Variants in APLP2 observed in about 807,000 individuals in gnomAD.
APLP2 encodes amyloid beta precursor like protein 2.
Under a neutral mutation model 89.9 loss-of-function variants are expected in APLP2, and 53 were observed. The observed-to-expected ratio is 0.59, with a 90% CI of 0.47 to 0.74. APLP2 has a LOEUF of 0.74. Among genes scored for constraint, APLP2 ranks in the 30% least tolerant of loss-of-function variants. The pLI, the probability that APLP2 is intolerant of heterozygous loss-of-function variation, is 0.00. For missense variants in APLP2, 973 were observed against 975.9 expected (o/e 1.00, Z 0.04); for synonymous variants, 372 against 348.6 (o/e 1.07, Z -0.75).
Position 130,141,252 on chromosome 11 carries a change from G to A in APLP2, c.1924-246G>A, listed in dbSNP as rs1952349281. The A allele has an allele frequency of 8.0e-6, 4 of 501,302 alleles. No individual in the cohort carries two copies. The highest frequency in any genetic ancestry group is 2.5e-5 in the South Asian group (1 of 39,588). The allele number at this position is 501,302 out of a possible 1,614,324, so 31.1% of individuals were successfully genotyped here. ...CTGTTCTGAGATACGTCTCCACAACGGTTACTTGAAGGAAAATGCATACGG... is the reference window on the plus strand; with the variant it reads ...CTGTTCTGAGATACGTCTCCACAACAGTTACTTGAAGGAAAATGCATACGG... On this transcript the variant is annotated intron_variant, in intron 14 of 16. Transcript: ENST00000338167. The surrounding 1 kb of genome is among the most constrained non-coding windows in gnomAD (Gnocchi z 4.2).
Position 130,076,099 on chromosome 11 carries a change from G to A in APLP2, c.105+6017G>A, listed in dbSNP as rs191893233. ...CTTTCTGTTTGTTTGTTTTGAGACCGAGTCTCACTCTGTCATCCAGGCTGG... is the reference window on the plus strand; with the variant it reads ...CTTTCTGTTTGTTTGTTTTGAGACCAAGTCTCACTCTGTCATCCAGGCTGG... On this transcript the variant is annotated intron_variant, in intron 1 of 16. Coordinates refer to ENST00000338167, the MANE Select transcript of APLP2 (RefSeq NM_001142276.2). Among the ~76,000 whole-genome samples, 34 of 152,084 alleles carry A rather than the reference G, an allele frequency of 2.2e-4. No individual in the cohort carries two copies. The East Asian group carries it at 5.6e-3, about 25-fold the overall frequency.
intron 12 of APLP2, 51 bp from the exon 13 acceptor site, chr11:130,135,512 C>A: frequency 1.3e-6 from 2 of 1,594,474 alleles, no homozygotes; most frequent in South Asian, 1.1e-5. Flanking sequence ...TGTGCCTGGA[C>A]ACCAGGCCCT....
At chr11:130,080,976 A>G (rs1469941190) in intron 1 of APLP2, among the ~76,000 whole-genome samples, 1 of 151,836 alleles carries the variant, frequency 6.6e-6, no homozygotes, top group Non-Finnish European at 1.5e-5. Flanking sequence ...GGCGTGAGCC[A>G]CCACGTCCGG....
chr11:130,131,959 A>G (rs1410430987), intron 11 of APLP2, among the ~76,000 whole-genome samples: 1 of 152,146 alleles, frequency 6.6e-6, no homozygotes, highest in African/African-American at 2.4e-5. Context: ...TGTTATCTAA[A>G]CACCAGAAAA....
chr11:130,137,129 A>G lies in APLP2; in HGVS notation c.1837+1414A>G, dbSNP rs1951718398. ...GGATATTTCAGGCAGGGTGTTTTTA[A>G]GGAGGAATACTTTTTGTTCACATTA... On this transcript the variant is annotated intron_variant, in intron 13 of 16. Transcript: ENST00000338167. 2.8e-5 allele frequency: 23 copies of G among 832,060 alleles called. 1 individual carries two copies. The South Asian group carries it at 3.2e-4, about 11-fold the overall frequency. The allele number at this position is 832,060 out of a possible 1,614,324, so 51.5% of individuals were successfully genotyped here. A position where few individuals can be genotyped will look rare whatever the true frequency, so the allele number is the denominator to read the frequency against.
chr11:130,119,322 G>A (rs377737295), intron 3 of APLP2, among the ~76,000 whole-genome samples: 1 of 152,164 alleles, frequency 6.6e-6, no homozygotes, highest in Admixed American at 6.5e-5. Flanking sequence ...GCAGACGTAT[G>A]CCCAGTGTAG....
intron 1 of APLP2, among the ~76,000 whole-genome samples, chr11:130,072,624 C>T (rs1252780160): frequency 6.6e-6 from 1 of 151,926 alleles, no homozygotes. Flanking sequence ...TTGCAGGCGC[C>T]TGCCACCACG....
chr11:130,086,383 C>T (rs531725796), intron 1 of APLP2, among the ~76,000 whole-genome samples: 2 of 152,208 alleles, frequency 1.3e-5, no homozygotes, highest in Non-Finnish European at 2.9e-5. Context: ...TGTTTTGTTG[C>T]TATTGTTGAA....
rs1375905464 is a variant in APLP2 at position 130,102,135 on chromosome 11, T to C, written c.106-7294T>C. The C allele has an allele frequency of 1.3e-5, 4 of 306,886 alleles. No individual in the cohort carries two copies. The East Asian group carries it at 3.8e-4, about 29-fold the overall frequency. The allele number at this position is 306,886 out of a possible 1,614,324, so 19.0% of individuals were successfully genotyped here. The stretch of plus-strand genomic sequence containing the variant: ...CACTTCGTTCAGTTTAGTAAATCTT[T>C]GGTGAAGGTTCATGAACATAAATTT... On this transcript the variant is annotated intron_variant, in intron 1 of 16. Coordinates refer to ENST00000338167, the MANE Select transcript of APLP2 (RefSeq NM_001142276.2).
chr11:130,135,656 G>C lies in APLP2; in HGVS notation c.1778G>C (p.Ser593Thr). 1 of 1,614,202 alleles carries C rather than the reference G, an allele frequency of 6.2e-7. No individual in the cohort carries two copies. The highest frequency in any genetic ancestry group is 8.5e-7 in the Non-Finnish European group (1 of 1,180,032). ...GACGTCCGGGTGAGCTCTGAGGAGA[G>C]TGAGGAGATCCCACCGTTCCACCCC... is the stretch of plus-strand genomic sequence containing the variant. ...PVDVRVSSEE[S>T]EEIPPFHPFH... The change falls in exon 13 of 17, where the codon AGT (serine) becomes ACT (threonine). Residue 593 changes from serine to threonine, a missense_variant. Physicochemically the swap from Ser to Thr is moderately conservative, Grantham distance 58. Transcript: ENST00000338167.
Position 130,123,679 on chromosome 11 carries a change from C to T in APLP2, c.990C>T (p.Leu330=). ...RAVMPRWYFD[L]SKGKCVRFIY... ...TGATGCCTCGTTGGTACTTCGACCT[C>T]TCCAAGGGAAAGTGCGTGCGCTTTA... The change falls in exon 7 of 17, where the codon CTC becomes CTT. Residue 330 remains leucine (L), a synonymous_variant. Transcript: ENST00000338167. This position sits in a 1 kb window ranked among gnomAD's most constrained non-coding sequence, Gnocchi z 4.0. The T allele has an allele frequency of 6.2e-7, 1 of 1,614,294 alleles. No homozygotes were observed. Among genetic ancestry groups the T allele is most frequent in the South Asian group, 1.1e-5 (1 of 91,088 alleles).
rs368746535 is a variant in APLP2, at chr11:130,120,743, A to T, written c.441A>T (p.Glu147Asp). Residue 147 changes from glutamate (E) to aspartate (D), a missense_variant, in exon 4 of 17, where the codon GAA becomes GAT. Coordinates refer to ENST00000338167, the MANE Select transcript of APLP2 (RefSeq NM_001142276.2). The part of the protein sequence containing the change: ...EFVSDVLLVP[E>D]KCQFFHKERM... ...TAAGTGATGTCCTGCTAGTTCCAGA[A>T]AAGTGCCAGTTTTTCCACAAAGAGC... is the stretch of plus-strand genomic sequence containing the variant. The T allele has an allele frequency of 4.0e-5, 65 of 1,613,892 alleles. No individual in the cohort carries two copies. In the African/African-American group the frequency reaches 8.3e-4, roughly 21 times the overall value.
At chr11:130,116,730 A>G (rs1281869906) in intron 3 of APLP2, among the ~76,000 whole-genome samples, 2 of 152,168 alleles carry the variant, frequency 1.3e-5, no homozygotes, top group Admixed American at 6.5e-5. Context: ...CCTCAGCCTC[A>G]TAAAGTGCTG....
chr11:130,097,978 A>G (rs895051383), intron 1 of APLP2, among the ~76,000 whole-genome samples: 8 of 152,244 alleles, frequency 5.3e-5, no homozygotes, highest in South Asian at 2.1e-4. Flanking sequence ...ACACATGCAC[A>G]CTAGACCTTT....
chr11:130,136,026 G>A (rs1018970186), intron 13 of APLP2, among the ~76,000 whole-genome samples: 7 of 152,124 alleles, frequency 4.6e-5, no homozygotes, highest in African/African-American at 9.7e-5. Flanking sequence ...TTGAAACAGC[G>A]CCTTCCTGTT....
Position 130,120,439 on chromosome 11 carries a change from C to T in APLP2, c.404-267C>T, listed in dbSNP as rs111954855. Among the ~76,000 whole-genome samples, 1,465 of 152,230 alleles carry T rather than the reference C, an allele frequency of 9.6e-3. 12 individuals are homozygous for T. Among genetic ancestry groups the T allele is most frequent in the South Asian group, 0.021 (102 of 4,822 alleles). On this transcript the variant is annotated intron_variant, in intron 3 of 16. Coordinates refer to ENST00000338167, the MANE Select transcript of APLP2 (RefSeq NM_001142276.2). ...GGTGATCCTATTATATTCCCCGTCA[C>T]GTGTTGCTGTAGCCCTGCAGTGGGA... is the stretch of plus-strand genomic sequence containing the variant.
At chr11:130,071,124 A>C (rs1054590149) in intron 1 of APLP2, among the ~76,000 whole-genome samples, 1 of 152,238 alleles carries the variant, frequency 6.6e-6, no homozygotes, top group African/African-American at 2.4e-5. Context: ...TCTTTTAAAA[A>C]TTACAACTGG....
intron 1 of APLP2, among the ~76,000 whole-genome samples, chr11:130,076,163 C>T (rs566604970): frequency 1.3e-5 from 2 of 152,302 alleles, no homozygotes; most frequent in South Asian, 4.1e-4. Context: ...CAACTTCCGC[C>T]TCCTGGGTTC....
chr11:130,085,131 T>G (rs1387402858), intron 1 of APLP2, among the ~76,000 whole-genome samples: 1 of 151,778 alleles, frequency 6.6e-6, no homozygotes. Context: ...CAGTAACAAA[T>G]AAGAAGATTG....
Sources: allele counts gnomAD v4.1 joint callset (sites outside exome capture counted in the v4.1 genomes callset), GRCh38; gene constraint gnomAD v4.1.1; non-coding constraint Gnocchi (gnomAD v3.1); transcripts MANE v1.5; gene names NCBI Gene and HGNC (gene_info 2026-07-23, HGNC 2026-07-21).